GLRA2: variants seen among roughly 807,000 people sequenced by gnomAD.
GLRA2 encodes glycine receptor subunit alpha-2.
Under a neutral mutation model 31.6 loss-of-function variants are expected in GLRA2, and 11 were observed. That is an observed-to-expected ratio of 0.35 (90% CI 0.22 to 0.58). The LOEUF (loss-of-function observed/expected upper bound fraction) is 0.58. Among genes scored for constraint, GLRA2 ranks in the 20% least tolerant of loss-of-function variants. The pLI is 0.84. For synonymous variants in GLRA2, 132 were observed against 134.0 expected (o/e 0.99, Z 0.10); for missense variants, 212 against 351.8 (o/e 0.60, Z 3.18).
intron 7 of GLRA2, among the ~76,000 whole-genome samples, chrX:14,653,049 G>GA (rs1200054752): frequency 1.6e-3 from 161 of 101,706 alleles, no homozygotes; most frequent in African/African-American, 3.7e-3. Flanking sequence ...CCACTGCTCA[G>GA]AAAAAAAAAA....
chrX:14,584,464 A>G (rs1303561697), intron 4 of GLRA2, among the ~76,000 whole-genome samples: 1 of 111,712 alleles, frequency 9.0e-6, no homozygotes, highest in Non-Finnish European at 1.9e-5. Context: ...CAGACTCACC[A>G]TCATCACCTC....
chrX:14,545,168 G>T (rs765670619), intron 2 of GLRA2, among the ~76,000 whole-genome samples: 1 of 112,084 alleles, frequency 8.9e-6, no homozygotes, highest in African/African-American at 3.2e-5. Flanking sequence ...ATTTTGTGTT[G>T]CTATGACAGA....
chrX:14,532,886 C>T (rs1569486152), intron 2 of GLRA2, among the ~76,000 whole-genome samples: 1 of 111,170 alleles, frequency 9.0e-6, no homozygotes, highest in African/African-American at 3.2e-5. Flanking sequence ...TAAGCATTCT[C>T]ATTGTTTATT....
chrX:14,628,240 A>G (rs2090609543), intron 7 of GLRA2, among the ~76,000 whole-genome samples: 1 of 111,948 alleles, frequency 8.9e-6, no homozygotes, highest in South Asian at 3.7e-4. Flanking sequence ...TCTGAATTCT[A>G]AGACATACTT....
chrX:14,650,110 CAA>C (rs755329340), intron 7 of GLRA2, among the ~76,000 whole-genome samples: 2 of 111,507 alleles, frequency 1.8e-5, no homozygotes, highest in Non-Finnish European at 1.9e-5. Context: ...GCGAGGAAAA[CAA>C]AATCTAAACA....
intron 8 of GLRA2, among the ~76,000 whole-genome samples, chrX:14,726,668 T>C (rs1221815246): frequency 8.9e-6 from 1 of 112,604 alleles, no homozygotes; most frequent in African/African-American, 3.2e-5. Context: ...GATTCTAACC[T>C]GACATCCTTC....
the GLRA2 span, among the ~76,000 whole-genome samples, chrX:14,492,469 T>C: frequency 2.7e-5 from 3 of 111,836 alleles, no homozygotes; most frequent in Non-Finnish European, 5.6e-5. Context: ...ATATAATACA[T>C]AAATTATCTG....
At chrX:14,722,689 G>T (rs1421042238) in intron 8 of GLRA2, among the ~76,000 whole-genome samples, 1 of 111,721 alleles carries the variant, frequency 9.0e-6, no homozygotes, top group Non-Finnish European at 1.9e-5. Flanking sequence ...AGAGGAGAAA[G>T]AAGTGGGAAC....
the GLRA2 span, among the ~76,000 whole-genome samples, chrX:14,449,140 C>T: frequency 8.9e-6 from 1 of 112,153 alleles, no homozygotes; most frequent in Non-Finnish European, 1.9e-5. Context: ...AACCATCACA[C>T]TTCAAACAGA....
At chrX:14,492,137 T>C in the GLRA2 span, among the ~76,000 whole-genome samples, 1 of 109,443 alleles carries the variant, frequency 9.1e-6, no homozygotes, top group Non-Finnish European at 1.9e-5. Context: ...GGAAGCAAAA[T>C]GGATTGAAAA....
At chrX:14,581,795 C>T (rs1169259275) in intron 4 of GLRA2, among the ~76,000 whole-genome samples, 1 of 110,119 alleles carries the variant, frequency 9.1e-6, no homozygotes, top group East Asian at 2.8e-4. Context: ...CACACACACA[C>T]ACACACACAC....
intron 8 of GLRA2, among the ~76,000 whole-genome samples, chrX:14,702,167 A>C (rs759705063): frequency 9.8e-5 from 11 of 111,924 alleles, no homozygotes; most frequent in Non-Finnish European, 2.1e-4. Flanking sequence ...CATCATAAAA[A>C]GTTGAGTCAG....
intron 8 of GLRA2, among the ~76,000 whole-genome samples, chrX:14,722,779 TA>T (rs1470143118): frequency 9.0e-6 from 1 of 111,287 alleles, no homozygotes; most frequent in African/African-American, 3.3e-5. Flanking sequence ...AGAATGAGTG[TA>T]GGGGATCCCA....
chrX:14,554,247 G>A (rs766985009), intron 2 of GLRA2, among the ~76,000 whole-genome samples: 3 of 111,528 alleles, frequency 2.7e-5, no homozygotes, highest in East Asian at 5.7e-4. Flanking sequence ...GTACATTATC[G>A]GAAGCTCTGG....
At chrX:14,723,826 C>T (rs5935802) in intron 8 of GLRA2, among the ~76,000 whole-genome samples, 52,860 of 111,039 alleles carry the variant, frequency 0.48, 9,540 homozygotes, top group Non-Finnish European at 0.57. Flanking sequence ...ACCAGGACCC[C>T]ATTTAGTAAG....
the GLRA2 span, among the ~76,000 whole-genome samples, chrX:14,495,729 C>T: frequency 9.2e-6 from 1 of 108,883 alleles, no homozygotes; most frequent in African/African-American, 3.3e-5. Flanking sequence ...CTCCCAACAA[C>T]CTTTGAGTGT....
chrX:14,603,287 T>C (rs2090298619), intron 4 of GLRA2, among the ~76,000 whole-genome samples: 1 of 111,762 alleles, frequency 8.9e-6, no homozygotes. Flanking sequence ...GGTTTTTTCT[T>C]GCTAATTTGT....
At chrX:14,681,935 A>ATATATATATATATATATGTATG (rs2091215436) in intron 7 of GLRA2, among the ~76,000 whole-genome samples, 1 of 77,428 alleles carries the variant, frequency 1.3e-5, no homozygotes, top group Non-Finnish European at 2.6e-5. Flanking sequence ...ATATATGTAT[A>ATATATATATATATATATGTATG]TATATGTGTG....
intron 8 of GLRA2, among the ~76,000 whole-genome samples, chrX:14,698,129 G>A (rs983633107): frequency 1.8e-5 from 2 of 111,907 alleles, no homozygotes; most frequent in Non-Finnish European, 3.8e-5. Flanking sequence ...AGTCACACAA[G>A]TACAGGGTCA....
Sources: allele counts gnomAD v4.1 joint callset (sites outside exome capture counted in the v4.1 genomes callset), GRCh38; gene constraint gnomAD v4.1.1; transcripts MANE v1.5; gene names NCBI Gene and HGNC (gene_info 2026-07-23, HGNC 2026-07-21).